The following NR4A3 variants were observed in gnomAD, a reference collection of about 807,000 sequenced individuals.
NR4A3 encodes chondrosarcoma, extraskeletal myxoid, fused to EWS.
A neutral mutation model predicts 55.6 loss-of-function variants in NR4A3; 13 were observed. That is an observed-to-expected ratio of 0.23 (90% confidence interval 0.15 to 0.37). The LOEUF (loss-of-function observed/expected upper bound fraction) is 0.37, where lower values mean the gene tolerates loss of function less well. NR4A3 is among the 10% of genes least tolerant of loss of function. NR4A3 has a pLI of 1.00. For synonymous variants in NR4A3, 342 were observed against 357.9 expected, an observed-to-expected ratio of 0.96 and a Z score of 0.50; for missense variants, 646 against 822.8, an observed-to-expected ratio of 0.79 and a Z score of 2.63.
chr9:99,859,032 A>G (rs369304962), intron 7 of NR4A3, among the ~76,000 whole-genome samples: 47 of 152,370 alleles, frequency 3.1e-4, no homozygotes, highest in East Asian at 1.3e-3. Context: ...ATTATGACAC[A>G]TAAGTCTATT....
intron 5 of NR4A3, among the ~76,000 whole-genome samples, chr9:99,838,714 G>T (rs1827601561): frequency 6.6e-6 from 1 of 152,210 alleles, no homozygotes; most frequent in Non-Finnish European, 1.5e-5. Context: ...AAGAGGTGGG[G>T]TGTTTGCTTT....
At chr9:99,855,916 G>A (rs1028490001) in intron 7 of NR4A3, among the ~76,000 whole-genome samples, 1 of 152,216 alleles carries the variant, frequency 6.6e-6, no homozygotes, top group Middle Eastern at 3.4e-3. Context: ...TGGGGCTCCT[G>A]ATGGTTACTA....
intron 7 of NR4A3, among the ~76,000 whole-genome samples, chr9:99,847,911 T>C (rs1365715753): frequency 2.0e-5 from 3 of 152,078 alleles, no homozygotes; most frequent in Non-Finnish European, 4.4e-5. Context: ...TGCTTCAGGG[T>C]TTGTTTGTTT....
intron 5 of NR4A3, among the ~76,000 whole-genome samples, chr9:99,841,113 C>T (rs1827642322): frequency 6.6e-6 from 1 of 152,014 alleles, no homozygotes; most frequent in Admixed American, 6.6e-5. Flanking sequence ...CGCCTGTAGT[C>T]CCAGCTACTC....
At position 99,828,787 on chromosome 9, in the gene NR4A3, A is replaced by G. The variant is rs1827375225; in HGVS notation, c.745A>G (p.Lys249Glu). The G allele has an allele frequency of 2.1e-6, 3 of 1,460,396 alleles. No individual in the cohort carries two copies. The South Asian group carries it at 3.9e-5, about 19-fold the overall frequency. The allele number at this position is 1,460,396 out of a possible 1,614,324, so 90.5% of individuals were successfully genotyped here. A position where few individuals can be genotyped will look rare whatever the true frequency, so the allele number is the denominator to read the frequency against. Residue 249 changes from lysine to glutamate, a missense_variant, in exon 3 of 8, where the codon AAG (lysine) becomes GAG (glutamate). Lys to Glu is a moderately conservative substitution (Grantham distance 56). Coordinates refer to ENST00000395097, the MANE Select transcript of NR4A3 (RefSeq NM_006981.4). This position sits in a 1 kb window ranked among gnomAD's most constrained non-coding sequence, Gnocchi z 7.7. ...ESHPYGLPLA[K>E]RAAPLAFPPL... ...CCACCCGTACGGGCTGCCGCTGGCC[A>G]AGAGGGCGGCCCCGCTGGCCTTCCC...
chr9:99,842,196 C>T (rs565443090), intron 5 of NR4A3, among the ~76,000 whole-genome samples: 19 of 150,624 alleles, frequency 1.3e-4, no homozygotes, highest in African/African-American at 4.6e-4. Flanking sequence ...CGTCTCATTT[C>T]CTCTCACCCA....
intron 5 of NR4A3, among the ~76,000 whole-genome samples, chr9:99,842,692 T>G (rs767191104): frequency 5.3e-5 from 8 of 151,714 alleles, no homozygotes; most frequent in Non-Finnish European, 1.2e-4. Context: ...ATCGTGCCAC[T>G]GCACCCCAGC....
chr9:99,860,413 T>C (rs1045036463), intron 7 of NR4A3, among the ~76,000 whole-genome samples: 6 of 152,232 alleles, frequency 3.9e-5, no homozygotes, highest in African/African-American at 7.2e-5. Context: ...TCTCCATGTA[T>C]ACAGTTTTAT....
chr9:99,857,248 A>C lies in NR4A3; in HGVS notation c.1634-6372A>C, dbSNP rs538980663. Among the ~76,000 whole-genome samples the C allele has an allele frequency of 3.9e-5, 6 of 152,290 alleles. No individual in the cohort carries two copies. The South Asian group carries it at 6.2e-4, about 16-fold the overall frequency. ...TAGAGATGATTATAAGAGTGATGTG[A>C]AAGGCTGTAATATCATTAATAGACA... On this transcript the variant is annotated intron_variant, in intron 7 of 7. Coordinates refer to ENST00000395097, the MANE Select transcript of NR4A3 (RefSeq NM_006981.4).
At chr9:99,852,962 G>A (rs867114314) in intron 7 of NR4A3, among the ~76,000 whole-genome samples, 19 of 152,242 alleles carry the variant, frequency 1.2e-4, no homozygotes, top group Middle Eastern at 3.4e-3. Context: ...AAACTTAGCG[G>A]GGCAAAATAG....
In NR4A3 at chr9:99,841,133, A is replaced by T. The variant is rs188149663; in HGVS notation, c.1255-3516A>T. Among the ~76,000 whole-genome samples the T allele has an allele frequency of 1.7e-4, 26 of 151,304 alleles. 1 individual carries two copies. The East Asian group carries it at 4.7e-3, about 27-fold the overall frequency. ...GTAGTCCCAGCTACTCGGGAGGCTG[A>T]GGCAGGAGACTCGCTTGAACCCGGG... On this transcript the variant is annotated intron_variant, in intron 5 of 7. Coordinates refer to ENST00000395097, the MANE Select transcript of NR4A3 (RefSeq NM_006981.4).
chr9:99,862,708 C>A (rs968534106), intron 7 of NR4A3, among the ~76,000 whole-genome samples: 1 of 152,028 alleles, frequency 6.6e-6, no homozygotes, highest in Non-Finnish European at 1.5e-5. Context: ...AAACTGGGTT[C>A]TAATCCTAGC....
At chr9:99,838,069 G>T (rs1242551192) in intron 5 of NR4A3, among the ~76,000 whole-genome samples, 4 of 152,156 alleles carry the variant, frequency 2.6e-5, no homozygotes, top group Admixed American at 6.5e-5. Context: ...GTACATCAGT[G>T]CAGTCAAAAC....
At chr9:99,833,154 A>T in intron 4 of NR4A3, 128 bp from the exon 5 acceptor site, 6 of 1,225,150 alleles carry the variant, frequency 4.9e-6, no homozygotes, top group Non-Finnish European at 6.7e-6. Context: ...CAAACTTATT[A>T]CCACTTTTAA....
intron 7 of NR4A3, among the ~76,000 whole-genome samples, chr9:99,862,056 T>C (rs943990430): frequency 4.6e-5 from 7 of 151,442 alleles, no homozygotes; most frequent in Admixed American, 4.0e-4. Context: ...ACTGCACCAC[T>C]GCACTGCAGC....
At position 99,828,490 on chromosome 9, in the gene NR4A3, C is replaced by A; in HGVS notation, c.448C>A (p.Pro150Thr). The change falls in exon 3 of 8, where the codon CCG (proline) becomes ACG (threonine). Residue 150 changes from proline to threonine, a missense_variant. Around this residue, in one of 5 missense-constraint regions of NR4A3, gnomAD observed 426 missense variants for 429.4 expected, o/e 0.99. Transcript: ENST00000395097. This position sits in a 1 kb window ranked among gnomAD's most constrained non-coding sequence, Gnocchi z 7.7. Reference protein sequence around the residue: ...PSTPTTPAFPPQAGALWDEAL... With the variant: ...PSTPTTPAFPTQAGALWDEAL... ...CACCCCCACCACGCCGGCCTTCCCC[C>A]CGCAGGCGGGGGCGTTATGGGACGA... 6.3e-7 allele frequency: 1 copy of A among 1,581,766 alleles called. No homozygotes were observed. The highest frequency in any genetic ancestry group is 8.6e-7 in the Non-Finnish European group (1 of 1,165,426).
Position 99,832,825 on chromosome 9 carries a change from A to G in NR4A3, c.1081+7A>G. 1 of 1,538,412 alleles carries G rather than the reference A, an allele frequency of 6.5e-7. No homozygotes were observed. The highest frequency in any genetic ancestry group is 8.8e-7 in the Non-Finnish European group (1 of 1,133,798). ...GTTGGAATGGTAAAAGAAGGTATGG[A>G]TATAATGCTTTTTACCCAGTTTGCT... On this transcript the variant is annotated splice_region_variant and intron_variant, in intron 4 of 7. Coordinates refer to ENST00000395097, the MANE Select transcript of NR4A3 (RefSeq NM_006981.4).
intron 7 of NR4A3, among the ~76,000 whole-genome samples, chr9:99,857,515 G>C (rs943471678): frequency 6.6e-6 from 1 of 152,192 alleles, no homozygotes; most frequent in African/African-American, 2.4e-5. Context: ...GGCCAGGGGT[G>C]GTGGCTCACA....
At chr9:99,847,745 G>T (rs935180470) in intron 7 of NR4A3, 130 bp downstream of exon 7, 12 of 807,498 alleles carry the variant, frequency 1.5e-5, no homozygotes, top group Middle Eastern at 3.8e-4. Context: ...AATCTGTTAA[G>T]TTTAACCTAG....
Sources: gnomAD v4.1 joint callset for allele counts (sites outside exome capture counted in the v4.1 genomes callset) on GRCh38, gnomAD v4.1.1 for gene constraint, gnomAD v4.1.1 regional missense constraint, Gnocchi (gnomAD v3.1) non-coding constraint, MANE v1.5 for transcripts, NCBI Gene and HGNC (gene_info 2026-07-23, HGNC 2026-07-21) for gene names.